The following PCDHA2 variants were observed in gnomAD, a reference collection of about 807,000 sequenced individuals.
PCDHA2 encodes the protein protocadherin alpha 2.
A neutral mutation model predicts 66.0 loss-of-function variants in PCDHA2; 58 were observed. That is an observed-to-expected ratio of 0.88 (90% CI 0.71 to 1.09). The LOEUF is 1.09. PCDHA2 is among the 50% of genes least tolerant of loss of function. The pLI is 0.00. For missense variants in PCDHA2, 1,267 were observed against 1,242.3 expected (o/e 1.02, Z -0.30); for synonymous variants, 634 against 554.0 (o/e 1.14, Z -2.03).
rs542536806 is a variant in PCDHA2, at chr5:140,896,054, G to T, written c.2389-82895G>T. Among the ~76,000 whole-genome samples the T allele has an allele frequency of 4.6e-5, 7 of 151,966 alleles. 1 individual carries two copies. In the East Asian group the frequency reaches 1.4e-3, roughly 30 times the overall value. On this transcript the variant is annotated intron_variant, in intron 1 of 3. Transcript: ENST00000526136. ...TCGAACTCCTGACCTCAGGTGATCC[G>T]CCTGCCTCGGCCTCCCAACATGCTG...
At chr5:140,935,363 C>T (rs1005942314) in intron 1 of PCDHA2, among the ~76,000 whole-genome samples, 3 of 152,180 alleles carry the variant, frequency 2.0e-5, no homozygotes, top group African/African-American at 7.2e-5. Flanking sequence ...TTTTCATTAA[C>T]GTCAACAGAA....
At chr5:141,008,341 T>C (rs1307430556) in intron 3 of PCDHA2, among the ~76,000 whole-genome samples, 2 of 152,132 alleles carry the variant, frequency 1.3e-5, no homozygotes, top group African/African-American at 4.8e-5. Context: ...TGATGGAGCT[T>C]TTCACGTGTC....
chr5:140,805,556 G>A, intron 1 of PCDHA2: 1 of 977,096 alleles, frequency 1.0e-6, no homozygotes, highest in Non-Finnish European at 1.2e-6. Context: ...GGATATAGGA[G>A]GCAAGGAAAG....
At chr5:141,000,824 T>C (rs1477357302) in intron 3 of PCDHA2, among the ~76,000 whole-genome samples, 1 of 152,064 alleles carries the variant, frequency 6.6e-6, no homozygotes, top group Non-Finnish European at 1.5e-5. Context: ...GGAGGATCAC[T>C]TGAGTCCAGG....
rs544074425 is a variant in PCDHA2, at chr5:140,965,070, C to A, written c.2389-13879C>A. Among the ~76,000 whole-genome samples the A allele has an allele frequency of 1.2e-4, 19 of 152,306 alleles. 1 individual carries two copies. In the South Asian group the frequency reaches 3.9e-3, roughly 32 times the overall value. On this transcript the variant is annotated intron_variant, in intron 1 of 3. Coordinates refer to ENST00000526136, the MANE Select transcript of PCDHA2 (RefSeq NM_018905.3). ...GGGAAGCATGCCAAATGTCAGGTCT[C>A]ACTCTGACTTTGTTCCAGTCCATAG... is the stretch of plus-strand genomic sequence containing the variant.
rs543277248 is a variant in PCDHA2, at chr5:140,857,767, C to A, written c.2388+60415C>A. ...TGGCGTCTCCCGCTGGCAGCGCGGG[C>A]GGTGCAGTCAGTGAGCTGGTGCTGC... On this transcript the variant is annotated intron_variant, in intron 1 of 3. Coordinates refer to ENST00000526136, the MANE Select transcript of PCDHA2 (RefSeq NM_018905.3). 127 of 1,597,456 alleles carry A rather than the reference C, an allele frequency of 8.0e-5. 4 individuals are homozygous for A. The South Asian group carries it at 1.3e-3, about 16-fold the overall frequency.
intron 1 of PCDHA2, chr5:140,871,730 T>C: frequency 2.8e-6 from 2 of 714,038 alleles, no homozygotes; most frequent in Middle Eastern, 4.1e-4. Flanking sequence ...TAATATTTGG[T>C]TAGCAAATCC....
chr5:140,821,896 G>C, intron 1 of PCDHA2: 5 of 1,614,236 alleles, frequency 3.1e-6, no homozygotes, highest in Non-Finnish European at 4.2e-6. Context: ...AGCCAAACAC[G>C]GAACCTTCGT....
At chr5:140,831,815 T>A (rs1475150566) in intron 1 of PCDHA2, among the ~76,000 whole-genome samples, 1 of 152,196 alleles carries the variant, frequency 6.6e-6, no homozygotes, top group Non-Finnish European at 1.5e-5. Context: ...AAAGTTGGAA[T>A]GATAAACACT....
intron 1 of PCDHA2, chr5:140,802,669 C>G (rs782733330): frequency 1.2e-6 from 2 of 1,613,450 alleles, no homozygotes; most frequent in Admixed American, 3.3e-5. Flanking sequence ...GCCCTGGTGT[C>G]CTACTCGCTG....
chr5:140,836,439 A>G, intron 1 of PCDHA2: 1 of 1,613,820 alleles, frequency 6.2e-7, no homozygotes, highest in Non-Finnish European at 8.5e-7. Context: ...ATCGTTGGGC[A>G]TTGCAGGCCC....
chr5:140,808,252 A>G, intron 1 of PCDHA2: 1 of 1,614,232 alleles, frequency 6.2e-7, no homozygotes, highest in South Asian at 1.1e-5. Flanking sequence ...TCAAGTCTTT[A>G]TCACTTCCAA....
At chr5:140,824,617 T>TTTTTTTTTTG (rs1768243563) in intron 1 of PCDHA2, 1 of 128,156 alleles carries the variant, frequency 7.8e-6, no homozygotes, top group African/African-American at 3.5e-5. Context: ...AAAGTTTTTT[T>TTTTTTTTTTG]TTTTTTTTTT....
chr5:140,971,692 C>T (rs2096492766), intron 1 of PCDHA2, among the ~76,000 whole-genome samples: 1 of 152,116 alleles, frequency 6.6e-6, no homozygotes, highest in South Asian at 2.1e-4. Context: ...TTTGTACTCA[C>T]TAACCACCCT....
In PCDHA2 at chr5:140,993,233, G is replaced by A. The variant is rs143093605; in HGVS notation, c.2536+10670G>A. ...TTTAGCTTTTTGGTATGTTCTCTCT[G>A]AATCTGGGGATTTAGATATATAAAT... On this transcript the variant is annotated intron_variant, in intron 3 of 3. Coordinates refer to ENST00000526136, the MANE Select transcript of PCDHA2 (RefSeq NM_018905.3). Among the ~76,000 whole-genome samples the A allele has an allele frequency of 2.0e-5, 3 of 152,224 alleles. No individual in the cohort carries two copies. The East Asian group carries it at 5.8e-4, about 29-fold the overall frequency.
At chr5:140,827,980 C>G (rs1769474161) in intron 1 of PCDHA2, 2 of 1,413,840 alleles carry the variant, frequency 1.4e-6, no homozygotes, top group Non-Finnish European at 9.6e-7. Context: ...CATTCCCTGA[C>G]TGTTGAATGA....
chr5:140,964,133 G>A (rs2095812042), intron 1 of PCDHA2, among the ~76,000 whole-genome samples: 1 of 152,182 alleles, frequency 6.6e-6, no homozygotes, highest in African/African-American at 2.4e-5. Context: ...AACTAGTAAG[G>A]TTGGCAGGAG....
At chr5:140,858,028 C>T (rs1192934836) in intron 1 of PCDHA2, 1 of 1,596,786 alleles carries the variant, frequency 6.3e-7, no homozygotes, top group Non-Finnish European at 8.6e-7. Context: ...CGCTGACGGC[C>T]ACGGCCACTG....
rs1472597239 is a variant in PCDHA2, at chr5:140,928,524, TG to T, written c.2389-50424del. 16 of 1,614,070 alleles carry T rather than the reference TG, an allele frequency of 9.9e-6. No individual in the cohort carries two copies. The African/African-American group carries it at 2.1e-4, about 22-fold the overall frequency. On this transcript the variant is annotated intron_variant, in intron 1 of 3. Transcript: ENST00000526136. Reference sequence around the variant, plus strand: ...GTGCAACAGTGACTATAAACTTGTTTGTGGTAGATAGGAATGACAATTATCC... The same window carrying T: ...GTGCAACAGTGACTATAAACTTGTTTTGGTAGATAGGAATGACAATTATCC...
Sources: gnomAD v4.1 joint callset for allele counts (sites outside exome capture counted in the v4.1 genomes callset) on GRCh38, gnomAD v4.1.1 for gene constraint, MANE v1.5 for transcripts, NCBI Gene and HGNC (gene_info 2026-07-23, HGNC 2026-07-21) for gene names.